Variants in GRIN3A observed in about 807,000 individuals in gnomAD.
The protein encoded by GRIN3A is glutamate ionotropic receptor NMDA type subunit 3A, also known as glutamate receptor ionotropic, NMDA 3A.
Under a neutral mutation model 92.4 loss-of-function variants are expected in GRIN3A, and 47 were observed. The observed-to-expected ratio is 0.51, with a 90% confidence interval of 0.40 to 0.65. The LOEUF is 0.65. Ranked by LOEUF, GRIN3A falls within the 30% of genes least tolerant of loss-of-function variation. GRIN3A has a pLI of 0.00. For missense variants in GRIN3A, 1,324 were observed against 1,393.1 expected, an observed-to-expected ratio of 0.95 and a Z score of 0.79; for synonymous variants, 527 against 540.6, an observed-to-expected ratio of 0.97 and a Z score of 0.35.
intron 3 of GRIN3A, among the ~76,000 whole-genome samples, chr9:101,643,917 A>C (rs1052894201): frequency 1.1e-4 from 17 of 151,742 alleles, no homozygotes; most frequent in Non-Finnish European, 2.2e-4. Flanking sequence ...CGGGATATTC[A>C]TCAGTTATAA....
chr9:101,711,977 A>T (rs2119015885), intron 1 of GRIN3A, among the ~76,000 whole-genome samples: 1 of 152,222 alleles, frequency 6.6e-6, no homozygotes, highest in Middle Eastern at 3.4e-3. Context: ...GAGCTCAACG[A>T]TTCCATCACC....
chr9:101,669,996 A>C, intron 3 of GRIN3A, 64 bp downstream of exon 3: 5 of 1,211,884 alleles, frequency 4.1e-6, no homozygotes, highest in Non-Finnish European at 6.1e-6. Context: ...ATACTACAGC[A>C]GAAGATACAA....
rs776758849 is a variant in GRIN3A, at chr9:101,737,365, T to A, written c.615A>T (p.Glu205Asp). ...ALLAFPQSQG[E>D]MMELDLVSLV... ...AGCTGACCAAGTCGAGCTCCATCATTTCGCCCTGGCTCTGGGGGAAGGCGA... is the reference window on the plus strand; with the variant it reads ...AGCTGACCAAGTCGAGCTCCATCATATCGCCCTGGCTCTGGGGGAAGGCGA... The change falls in exon 1 of 9, where the codon GAA becomes GAT. Residue 205 changes from glutamate (E) to aspartate (D), a missense_variant. Coordinates refer to ENST00000361820, the MANE Select transcript of GRIN3A (RefSeq NM_133445.3). The A allele has an allele frequency of 2.5e-6, 4 of 1,614,198 alleles. No homozygotes were observed. The East Asian group carries it at 8.9e-5, about 36-fold the overall frequency.
At chr9:101,690,568 T>C (rs544031625) in intron 1 of GRIN3A, among the ~76,000 whole-genome samples, 1 of 152,142 alleles carries the variant, frequency 6.6e-6, no homozygotes, top group East Asian at 1.9e-4. Flanking sequence ...CAAAGAATCA[T>C]TCAGTGGTGT....
At chr9:101,680,150 T>C (rs765034907) in intron 2 of GRIN3A, among the ~76,000 whole-genome samples, 1 of 152,208 alleles carries the variant, frequency 6.6e-6, no homozygotes, top group Non-Finnish European at 1.5e-5. Context: ...TTAAAGTTTA[T>C]GACATTTAAA....
chr9:101,621,028 T>C (rs1171874174), intron 5 of GRIN3A, among the ~76,000 whole-genome samples: 1 of 152,144 alleles, frequency 6.6e-6, no homozygotes, highest in Non-Finnish European at 1.5e-5. Flanking sequence ...CTCACGCCTG[T>C]AATCCCAGCA....
chr9:101,686,933 G>A lies in GRIN3A; in HGVS notation c.967C>T (p.Pro323Ser), dbSNP rs1164605519. Reference sequence around the variant, plus strand: ...TCGCAGCCAAACATCACCACTGTGGGTGTGCTGTTCTTAATACTCTCAAGC... The same window carrying A: ...TCGCAGCCAAACATCACCACTGTGGATGTGCTGTTCTTAATACTCTCAAGC... ...IQLESIKNSTPTVVMFGCDME... is the reference protein window; with the variant it reads ...IQLESIKNSTSTVVMFGCDME... The change falls in exon 2 of 9, where the codon CCC becomes TCC. Residue 323 changes from proline (P) to serine (S), a missense_variant. Pro to Ser is a moderately conservative substitution (Grantham distance 74). Coordinates refer to ENST00000361820, the MANE Select transcript of GRIN3A (RefSeq NM_133445.3). The A allele has an allele frequency of 1.2e-6, 2 of 1,614,190 alleles. No homozygotes were observed. The highest frequency in any genetic ancestry group is 1.7e-6 in the Non-Finnish European group (2 of 1,180,016).
Position 101,573,191 on chromosome 9 carries a change from G to A in GRIN3A, c.3331C>T (p.Arg1111Trp). The change falls in exon 9 of 9, where the codon CGG (arginine) becomes TGG (tryptophan). Residue 1111 changes from arginine (R) to tryptophan (W), a missense_variant. Transcript: ENST00000361820. ...GTGGTCACCTAGGACTCACAAGTCC[G>A]ACTTGTCCTTTGATACTCCTCCAGC... ...TELEEYQRTS[R>W]TCES 1 of 1,613,954 alleles carries A rather than the reference G, an allele frequency of 6.2e-7. No individual in the cohort carries two copies. Among genetic ancestry groups the A allele is most frequent in the Non-Finnish European group, 8.5e-7 (1 of 1,179,906 alleles).
At position 101,687,007 on chromosome 9, in the gene GRIN3A, G is replaced by A. The variant is rs761709718; in HGVS notation, c.893C>T (p.Thr298Ile). 4.3e-6 allele frequency: 7 copies of A among 1,614,024 alleles called. No individual in the cohort carries two copies. Among genetic ancestry groups the A allele is most frequent in the Non-Finnish European group, 5.9e-6 (7 of 1,179,996 alleles). ...KFHLGSIINI[T>I]ANLPSTQDLL... ...GTCCTGGGTGGAGGGGAGGTTAGCG[G>A]TGATGTTGATGATAGAACCAAGGTG... The change falls in exon 2 of 9, where the codon ACC becomes ATC. Residue 298 changes from threonine (T) to isoleucine (I), a missense_variant. By Grantham distance (89) the Thr-to-Ile change is moderately conservative. Transcript: ENST00000361820.
intron 1 of GRIN3A, among the ~76,000 whole-genome samples, chr9:101,721,256 C>A (rs1402260894): frequency 2.0e-5 from 3 of 152,168 alleles, no homozygotes; most frequent in Non-Finnish European, 2.9e-5. Flanking sequence ...GGGGTTTCCG[C>A]TTTTGCTTCT....
intron 1 of GRIN3A, among the ~76,000 whole-genome samples, chr9:101,723,384 G>C (rs566441563): frequency 6.6e-6 from 1 of 152,094 alleles, no homozygotes; most frequent in Non-Finnish European, 1.5e-5. Context: ...TGGGCTTGTG[G>C]TCTCGCTGGC....
chr9:101,692,122 TC>T (rs1400307169), intron 1 of GRIN3A, among the ~76,000 whole-genome samples: 1 of 152,206 alleles, frequency 6.6e-6, no homozygotes, highest in Non-Finnish European at 1.5e-5. Flanking sequence ...TTCTCCTTTT[TC>T]TTGTCTATTT....
rs550532515 is a variant in GRIN3A at position 101,720,688 on chromosome 9, A to G, written c.699+16593T>C. On this transcript the variant is annotated intron_variant, in intron 1 of 8. Coordinates refer to ENST00000361820, the MANE Select transcript of GRIN3A (RefSeq NM_133445.3). ...ATCTGCAAATTGTGACAACTTGGGT[A>G]TATATCCGTCTTTCCATATAGATAT... Among the ~76,000 whole-genome samples the G allele has an allele frequency of 5.9e-5, 9 of 152,372 alleles. No homozygotes were observed. The South Asian group carries it at 1.7e-3, about 28-fold the overall frequency.
chr9:101,670,716 C>G lies in GRIN3A; in HGVS notation c.1696G>C (p.Asp566His). Residue 566 changes from aspartate (D) to histidine (H), a missense_variant, in exon 3 of 9, where the codon GAT (aspartate) becomes CAT (histidine). By Grantham distance (81) the Asp-to-His change is moderately conservative. Transcript: ENST00000361820. ...SLFSSLHSSN[D>H]TVPIKFKKCC... The stretch of plus-strand genomic sequence containing the variant: ...TTCTTGAATTTAATGGGCACTGTAT[C>G]ATTACTGCTATGGAGGCTGCTAAAA... The G allele has an allele frequency of 6.2e-7, 1 of 1,614,056 alleles. No individual in the cohort carries two copies. Among genetic ancestry groups the G allele is most frequent in the Non-Finnish European group, 8.5e-7 (1 of 1,179,976 alleles).
At chr9:101,714,981 G>T (rs1255300167) in intron 1 of GRIN3A, among the ~76,000 whole-genome samples, 1 of 152,022 alleles carries the variant, frequency 6.6e-6, no homozygotes, top group African/African-American at 2.4e-5. Context: ...AGAATTTTAT[G>T]CCCTGTCAAT....
chr9:101,649,709 G>T (rs1828986738), intron 3 of GRIN3A, among the ~76,000 whole-genome samples: 1 of 151,990 alleles, frequency 6.6e-6, no homozygotes, highest in African/African-American at 2.4e-5. Context: ...AGGTATTCTT[G>T]TTTTTGAATA....
At chr9:101,668,234 G>T (rs189952398) in intron 3 of GRIN3A, among the ~76,000 whole-genome samples, 1 of 69,152 alleles carries the variant, frequency 1.4e-5, no homozygotes, top group East Asian at 3.1e-4. Flanking sequence ...CACTCTTACA[G>T]ATTTTCATGC....
At chr9:101,601,724 A>G (rs1202222258) in intron 6 of GRIN3A, among the ~76,000 whole-genome samples, 1 of 152,052 alleles carries the variant, frequency 6.6e-6, no homozygotes, top group African/African-American at 2.4e-5. Flanking sequence ...GCATAAATCC[A>G]TTCTCTGCCT....
chr9:101,660,641 G>A (rs1464391197), intron 3 of GRIN3A, among the ~76,000 whole-genome samples: 3 of 151,788 alleles, frequency 2.0e-5, no homozygotes, highest in African/African-American at 7.3e-5. Context: ...CACATGAGAA[G>A]ACAGAAGCCA....
Sources: gnomAD v4.1 joint callset for allele counts (sites outside exome capture counted in the v4.1 genomes callset) on GRCh38, gnomAD v4.1.1 for gene constraint, MANE v1.5 for transcripts, NCBI Gene and HGNC (gene_info 2026-07-23, HGNC 2026-07-21) for gene names.